The following ZBTB20 variants were observed in gnomAD, a reference collection of about 807,000 sequenced individuals.
ZBTB20 encodes the protein zinc finger and BTB domain containing 20.
In ZBTB20, 9 loss-of-function variants were observed where a neutral mutation model predicts 56.9. The observed-to-expected ratio is 0.16, with a 90% CI of 0.10 to 0.28. The LOEUF (loss-of-function observed/expected upper bound fraction) is 0.28, where lower values mean the gene tolerates loss of function less well. Among genes scored for constraint, ZBTB20 ranks in the 10% least tolerant of loss-of-function variants. The pLI, the probability that ZBTB20 is intolerant of heterozygous loss-of-function variation, is 1.00. For missense variants in ZBTB20, 655 were observed against 1,003.0 expected (o/e 0.65, Z 4.69); for synonymous variants, 417 against 420.7 (o/e 0.99, Z 0.11).
At chr3:114,845,215 A>T (rs1351702303) in intron 4 of ZBTB20, among the ~76,000 whole-genome samples, 1 of 151,766 alleles carries the variant, frequency 6.6e-6, no homozygotes, top group Non-Finnish European at 1.5e-5. Context: ...CACATTAGGT[A>T]TCAATAAACA....
At chr3:114,953,604 C>A (rs2077148048) in intron 3 of ZBTB20, among the ~76,000 whole-genome samples, 1 of 151,650 alleles carries the variant, frequency 6.6e-6, no homozygotes, top group South Asian at 2.1e-4. Context: ...AAGAAACCTG[C>A]CAGTGATACA....
At chr3:114,940,903 C>T (rs1365630459) in intron 3 of ZBTB20, among the ~76,000 whole-genome samples, 1 of 146,006 alleles carries the variant, frequency 6.8e-6, no homozygotes, top group East Asian at 1.9e-4. Flanking sequence ...GAATCCTTTC[C>T]CGGTTTGTTA....
At chr3:114,721,946 T>C (rs1276522758) in intron 5 of ZBTB20, among the ~76,000 whole-genome samples, 1 of 152,184 alleles carries the variant, frequency 6.6e-6, no homozygotes, top group Non-Finnish European at 1.5e-5. Context: ...CAATTTACAA[T>C]AAAAGCCACA....
At chr3:114,727,603 G>A (rs569133130) in intron 5 of ZBTB20, among the ~76,000 whole-genome samples, 220 of 152,288 alleles carry the variant, frequency 1.4e-3, no homozygotes, top group African/African-American at 5.1e-3. Flanking sequence ...TGCTCTGAGA[G>A]ACTATTTTCT....
At chr3:114,797,587 T>C (rs573454432) in intron 5 of ZBTB20, among the ~76,000 whole-genome samples, 1 of 152,032 alleles carries the variant, frequency 6.6e-6, no homozygotes, top group African/African-American at 2.4e-5. Context: ...TAACAGAAAA[T>C]ATGTGTTATT....
chr3:114,420,967 T>C (rs2089109178), intron 7 of ZBTB20, among the ~76,000 whole-genome samples: 1 of 152,104 alleles, frequency 6.6e-6, no homozygotes, highest in Non-Finnish European at 1.5e-5. Flanking sequence ...CTAGCACAAA[T>C]TATTTGGCAT....
chr3:114,621,626 C>T (rs1274267), intron 6 of ZBTB20, among the ~76,000 whole-genome samples: 68,514 of 151,908 alleles, frequency 0.45, 17,228 homozygotes, highest in African/African-American at 0.67. Context: ...TTGTGTATAT[C>T]TGCGACTGCC....
intron 6 of ZBTB20, among the ~76,000 whole-genome samples, chr3:114,608,553 G>A (rs2057334029): frequency 6.6e-6 from 1 of 152,160 alleles, no homozygotes; most frequent in South Asian, 2.1e-4. Flanking sequence ...CCATTTTAAT[G>A]TTTCTGTGGT....
At chr3:114,739,917 T>C (rs894250415) in intron 5 of ZBTB20, among the ~76,000 whole-genome samples, 1 of 152,208 alleles carries the variant, frequency 6.6e-6, no homozygotes, top group Non-Finnish European at 1.5e-5. Context: ...ATTTTACCTA[T>C]GCTTATGTAC....
chr3:114,795,054 A>G (rs1214238890), intron 5 of ZBTB20, among the ~76,000 whole-genome samples: 1 of 152,146 alleles, frequency 6.6e-6, no homozygotes, highest in Non-Finnish European at 1.5e-5. Flanking sequence ...CAGAATTTTA[A>G]TAATTATTAA....
intron 7 of ZBTB20, among the ~76,000 whole-genome samples, chr3:114,393,392 T>C (rs2086058565): frequency 6.6e-6 from 1 of 152,238 alleles, no homozygotes; most frequent in Admixed American, 6.5e-5. Context: ...CTGATTTACA[T>C]TGTGCATTTT....
At chr3:115,119,353 G>A (rs920260788) in intron 1 of ZBTB20, among the ~76,000 whole-genome samples, 3 of 152,044 alleles carry the variant, frequency 2.0e-5, no homozygotes, top group Non-Finnish European at 4.4e-5. Flanking sequence ...GAAATAAAAG[G>A]ACCTATATTA....
intron 3 of ZBTB20, among the ~76,000 whole-genome samples, chr3:114,912,422 G>A (rs1033688914): frequency 6.6e-6 from 1 of 151,428 alleles, no homozygotes; most frequent in Non-Finnish European, 1.5e-5. Flanking sequence ...AGGGTTATTT[G>A]TCTCCTTATT....
chr3:114,724,988 A>T (rs1419235079), intron 5 of ZBTB20, among the ~76,000 whole-genome samples: 1 of 152,190 alleles, frequency 6.6e-6, no homozygotes, highest in East Asian at 1.9e-4. Context: ...AATCCCAGAG[A>T]TTCTGATTCA....
chr3:114,406,462 T>C (rs1043654204), intron 7 of ZBTB20, among the ~76,000 whole-genome samples: 1 of 152,154 alleles, frequency 6.6e-6, no homozygotes, highest in African/African-American at 2.4e-5. Flanking sequence ...GGAAGTTGCA[T>C]AAGCAATGAA....
intron 6 of ZBTB20, among the ~76,000 whole-genome samples, chr3:114,549,689 G>A (rs1330016831): frequency 6.6e-6 from 1 of 150,376 alleles, no homozygotes; most frequent in Non-Finnish European, 1.5e-5. Flanking sequence ...ATCACACTAA[G>A]GATTTTTTTT....
chr3:114,657,361 C>T (rs185697892), intron 6 of ZBTB20, among the ~76,000 whole-genome samples: 13 of 152,258 alleles, frequency 8.5e-5, no homozygotes, highest in African/African-American at 2.6e-4. Flanking sequence ...AGACATTTAC[C>T]AAACCCTTCT....
chr3:115,039,937 T>C (rs2081074966), intron 2 of ZBTB20, among the ~76,000 whole-genome samples: 1 of 151,978 alleles, frequency 6.6e-6, no homozygotes, highest in African/African-American at 2.4e-5. Context: ...TTGCTGAGGA[T>C]AGATTTTAAA....
intron 4 of ZBTB20, among the ~76,000 whole-genome samples, chr3:114,840,196 T>C (rs2108995067): frequency 6.6e-6 from 1 of 151,648 alleles, no homozygotes; most frequent in Non-Finnish European, 1.5e-5. Flanking sequence ...AAAATGATGG[T>C]AAGTTTCCCT....
Sources: allele counts gnomAD v4.1 joint callset (sites outside exome capture counted in the v4.1 genomes callset), GRCh38; gene constraint gnomAD v4.1.1; transcripts MANE v1.5; gene names NCBI Gene and HGNC (gene_info 2026-07-23, HGNC 2026-07-21).